The following CARNMT1 variants were observed in gnomAD, a reference collection of about 807,000 sequenced individuals.
The protein encoded by CARNMT1 is carnosine N-methyltransferase 1.
In CARNMT1, 28 loss-of-function variants were observed where a neutral mutation model predicts 49.6. The observed-to-expected ratio is 0.56, with a 90% CI of 0.42 to 0.77. CARNMT1 has a LOEUF of 0.77. Ranked by LOEUF, CARNMT1 falls within the 30% of genes least tolerant of loss-of-function variation. The probability of loss-of-function intolerance (pLI) is 0.00; values close to 1 mark genes in which losing one functional copy is unlikely to be tolerated. For missense variants in CARNMT1, 421 were observed against 512.6 expected (o/e 0.82, Z 1.73); for synonymous variants, 178 against 175.0 (o/e 1.02, Z -0.13).
intron 1 of CARNMT1, among the ~76,000 whole-genome samples, chr9:75,020,692 A>G (rs1822321148): frequency 6.6e-6 from 1 of 152,224 alleles, no homozygotes; most frequent in African/African-American, 2.4e-5. Flanking sequence ...GCCAAACAGT[A>G]ATGAACTTCA....
At chr9:75,020,385 A>C (rs1250118243) in intron 1 of CARNMT1, among the ~76,000 whole-genome samples, 1 of 148,508 alleles carries the variant, frequency 6.7e-6, no homozygotes, top group Non-Finnish European at 1.5e-5. Flanking sequence ...CTCCTGCCTC[A>C]GCCTCCCGAG....
chr9:75,015,295 A>C lies in CARNMT1; in HGVS notation c.590+973T>G, dbSNP rs140412166. 1.1e-4 allele frequency among the ~76,000 whole-genome samples: 16 copies of C among 152,326 alleles called. No homozygotes were observed. In the East Asian group the frequency reaches 3.1e-3, roughly 29 times the overall value. On this transcript the variant is annotated intron_variant, in intron 3 of 7. Transcript: ENST00000376834. Reference sequence around the variant, plus strand: ...CATATTTTCACTTCACATTAGCTGAAGTTCTCAAAACAGTGTATATCCCAT... The same window carrying C: ...CATATTTTCACTTCACATTAGCTGACGTTCTCAAAACAGTGTATATCCCAT...
Position 74,983,105 on chromosome 9 carries a change from G to A in CARNMT1, c.*662C>T, listed in dbSNP as rs1167299281. 6.6e-6 allele frequency: 1 copy of A among 152,074 alleles called. No homozygotes were observed. Among genetic ancestry groups the A allele is most frequent in the Non-Finnish European group, 1.5e-5 (1 of 68,020 alleles). The allele number at this position is 152,074 out of a possible 1,614,324, so 9.4% of individuals were successfully genotyped here. On this transcript the variant is annotated 3_prime_UTR_variant, in exon 8 of 8. Coordinates refer to ENST00000376834, the MANE Select transcript of CARNMT1 (RefSeq NM_152420.3). ...ATAAAATAGACACAGGCCAGGCGCG[G>A]TGGTACATGCCTACAGTCCTAGCTA...
chr9:74,988,112 T>G (rs977831769), intron 6 of CARNMT1, among the ~76,000 whole-genome samples: 2 of 152,230 alleles, frequency 1.3e-5, no homozygotes, highest in African/African-American at 4.8e-5. Context: ...AGACAGTGTC[T>G]TGTTATATTA....
chr9:75,002,474 G>A (rs1287333789), intron 3 of CARNMT1, among the ~76,000 whole-genome samples: 5 of 152,130 alleles, frequency 3.3e-5, no homozygotes, highest in Non-Finnish European at 1.5e-5. Flanking sequence ...ATTGCAAATT[G>A]AGACGTGCTG....
rs146537970 is a variant in CARNMT1 at position 75,018,102 on chromosome 9, C to T, written c.231-654G>A. The stretch of plus-strand genomic sequence containing the variant: ...TTGAGAGGGATTTTCGCTCTTGTCG[C>T]CCAGGCTGGAATGCAGTGGCACAGT... On this transcript the variant is annotated intron_variant, in intron 1 of 7. Transcript: ENST00000376834. Among the ~76,000 whole-genome samples the T allele has an allele frequency of 3.0e-3, 461 of 152,158 alleles. 2 individuals are homozygous for T. Among genetic ancestry groups the T allele is most frequent in the African/African-American group, 0.011 (450 of 41,502 alleles).
chr9:75,028,034 T>C lies in CARNMT1; in HGVS notation c.208A>G (p.Ile70Val), dbSNP rs1204610741. The C allele has an allele frequency of 1.0e-5, 16 of 1,575,240 alleles. No individual in the cohort carries two copies. The highest frequency in any genetic ancestry group is 1.3e-5 in the Non-Finnish European group (15 of 1,163,304). Residue 70 changes from isoleucine to valine, a missense_variant, in exon 1 of 8, where the codon ATT becomes GTT. By Grantham distance (29) the Ile-to-Val change is conservative. Transcript: ENST00000376834. ...RLEREHFWKI[I>V]NAFRYYGTSM... ...TACCCGTAGTAGCGGAAGGCATTAA[T>C]GATCTTCCAGAAGTGCTCACGCTCA...
At chr9:74,985,134 G>A in intron 6 of CARNMT1, 124 bp from the exon 7 acceptor site, 1 of 699,146 alleles carries the variant, frequency 1.4e-6, no homozygotes, top group Admixed American at 2.9e-5. Context: ...CTGGGCATTT[G>A]CTGAAAATGC....
chr9:75,024,649 C>T (rs1176974326), intron 1 of CARNMT1, among the ~76,000 whole-genome samples: 2 of 152,004 alleles, frequency 1.3e-5, no homozygotes, highest in Non-Finnish European at 2.9e-5. Context: ...AAATTGAAAC[C>T]CATTAGAAAG....
chr9:75,015,384 T>TTTACACTTTATATAAA (rs1564104051), intron 3 of CARNMT1, among the ~76,000 whole-genome samples: 1 of 152,216 alleles, frequency 6.6e-6, no homozygotes, highest in East Asian at 1.9e-4. Flanking sequence ...AAGTGATATA[T>TTTACACTTTATATAAA]GATTTAAAAA....
intron 5 of CARNMT1, among the ~76,000 whole-genome samples, chr9:74,997,422 A>G (rs575493012): frequency 6.6e-6 from 1 of 152,134 alleles, no homozygotes; most frequent in Non-Finnish European, 1.5e-5. Context: ...AAGCCCTCCA[A>G]TGGCTTCCTG....
chr9:74,989,752 C>T (rs988192047), intron 6 of CARNMT1, among the ~76,000 whole-genome samples: 9 of 152,042 alleles, frequency 5.9e-5, no homozygotes, highest in South Asian at 2.1e-4. Context: ...ATCCAAAGTG[C>T]GATTTCTCAT....
intron 1 of CARNMT1, 134 bp downstream of exon 1, chr9:75,027,878 G>A (rs1822576766): frequency 6.8e-6 from 7 of 1,023,242 alleles, no homozygotes; most frequent in Middle Eastern, 3.3e-4. Flanking sequence ...GGGCCCGGAG[G>A]TCAGCTGCAG....
chr9:75,007,716 G>A (rs1057415170), intron 3 of CARNMT1, among the ~76,000 whole-genome samples: 13 of 133,640 alleles, frequency 9.7e-5, no homozygotes, highest in East Asian at 9.0e-4. Flanking sequence ...GTGACAGAGC[G>A]AGACCCTGTC....
At chr9:74,991,947 A>C (rs1008451267) in intron 6 of CARNMT1, among the ~76,000 whole-genome samples, 3 of 152,128 alleles carry the variant, frequency 2.0e-5, no homozygotes, top group Admixed American at 1.3e-4. Flanking sequence ...GTATGTGTTC[A>C]GTCATCTATC....
chr9:75,006,080 CAG>C (rs945674337), intron 3 of CARNMT1, among the ~76,000 whole-genome samples: 31 of 150,854 alleles, frequency 2.1e-4, no homozygotes, highest in Admixed American at 5.3e-4. Context: ...TTTTTTGTGA[CAG>C]AGTCTCCAGC....
chr9:75,006,154 T>C (rs906545307), intron 3 of CARNMT1, among the ~76,000 whole-genome samples: 1 of 151,970 alleles, frequency 6.6e-6, no homozygotes, highest in African/African-American at 2.4e-5. Flanking sequence ...CGGGTTCAAG[T>C]GATTCTCCTG....
At position 75,010,388 on chromosome 9, in the gene CARNMT1, G is replaced by A. The variant is rs112434312; in HGVS notation, c.590+5880C>T. Among the ~76,000 whole-genome samples, 86 of 152,154 alleles carry A rather than the reference G, an allele frequency of 5.7e-4. 3 individuals carry two copies. In the South Asian group the frequency reaches 0.016, roughly 29 times the overall value. On this transcript the variant is annotated intron_variant, in intron 3 of 7. Transcript: ENST00000376834. ...GATCCACTCACCTCAGCCTCCCAAA[G>A]TGCTGGGTTTATAGGTGTGAGCTAT...
rs757916216 is a variant in CARNMT1, at chr9:74,983,836, A to T, written c.1161T>A (p.Thr387=). The change falls in exon 8 of 8, where the codon ACT becomes ACA. Residue 387 remains threonine, a synonymous_variant. Transcript: ENST00000376834. ...ATTTCATCATAGAGAGATCATTCAC[A>T]GTATATGTTGACAATACAGATTCTT... ...VEKESVLSTY[T]VNDLSMMKYY... is the part of the protein sequence containing the mutation. 4 of 1,605,812 alleles carry T rather than the reference A, an allele frequency of 2.5e-6. No individual in the cohort carries two copies. The highest frequency in any genetic ancestry group is 4.5e-5 in the East Asian group (2 of 44,694).
Sources: gnomAD v4.1 joint callset for allele counts (sites outside exome capture counted in the v4.1 genomes callset) on GRCh38, gnomAD v4.1.1 for gene constraint, MANE v1.5 for transcripts, NCBI Gene and HGNC (gene_info 2026-07-23, HGNC 2026-07-21) for gene names.